Variants in ATG7 observed in about 807,000 individuals in gnomAD.
ATG7 encodes the protein autophagy related 7.
In ATG7, 70 loss-of-function variants were observed where a neutral mutation model predicts 82.4. The ratio of observed to expected loss-of-function variants is 0.85; its 90% CI spans 0.70 to 1.04. The LOEUF (loss-of-function observed/expected upper bound fraction) is 1.04, where lower values mean the gene tolerates loss of function less well. Ranked by LOEUF, ATG7 falls within the 50% of genes least tolerant of loss-of-function variation. The pLI, the probability that ATG7 is intolerant of heterozygous loss-of-function variation, is 0.00. For missense variants in ATG7, 792 were observed against 864.3 expected, an observed-to-expected ratio of 0.92 and a Z score of 1.05; for synonymous variants, 287 against 313.0, an observed-to-expected ratio of 0.92 and a Z score of 0.88.
chr3:11,534,306 G>T (rs769832195), intron 20 of ATG7, among the ~76,000 whole-genome samples: 1 of 152,262 alleles, frequency 6.6e-6, no homozygotes, highest in Non-Finnish European at 1.5e-5. Context: ...GCAGATGCCC[G>T]TTCTGCAAAG....
At chr3:11,366,785 C>T (rs1430826841) in intron 18 of ATG7, among the ~76,000 whole-genome samples, 1 of 152,042 alleles carries the variant, frequency 6.6e-6, no homozygotes, top group Non-Finnish European at 1.5e-5. Context: ...TTTTAAAGTA[C>T]TATGGCAACT....
the ATG7 span, chr3:11,568,931 G>A: frequency 1.6e-6 from 2 of 1,246,950 alleles, no homozygotes; most frequent in East Asian, 4.1e-5. The surrounding 1 kb of genome is among the most constrained non-coding windows in gnomAD (Gnocchi z 5.9). Flanking sequence ...CACTTCCACT[G>A]CCAGCTGCCC....
intron 20 of ATG7, among the ~76,000 whole-genome samples, chr3:11,544,089 T>A (rs933471501): frequency 3.3e-5 from 5 of 152,230 alleles, no homozygotes; most frequent in African/African-American, 1.2e-4. Context: ...GCACCAGCAG[T>A]CTGAAGCAGT....
intron 3 of ATG7, among the ~76,000 whole-genome samples, chr3:11,289,486 G>A (rs1446266507): frequency 6.6e-6 from 1 of 152,170 alleles, no homozygotes; most frequent in East Asian, 1.9e-4. Context: ...GTCATGGAAC[G>A]GTTTCAGCAG....
In ATG7 at chr3:11,453,787, G is replaced by T. The variant is rs146393955; in HGVS notation, c.2079+26861G>T. Among the ~76,000 whole-genome samples, 23 of 152,206 alleles carry T rather than the reference G, an allele frequency of 1.5e-4. No homozygotes were observed. In the East Asian group the frequency reaches 4.3e-3, roughly 28 times the overall value. On this transcript the variant is annotated intron_variant, in intron 20 of 20. Transcript: ENST00000693202. ...CACATGTAGGACTTCTAAGGCCTGAGCAAACCCTCAGTGATGGGGGAGTGC... is the reference window on the plus strand; with the variant it reads ...CACATGTAGGACTTCTAAGGCCTGATCAAACCCTCAGTGATGGGGGAGTGC...
At chr3:11,290,629 G>A (rs1176158402) in intron 3 of ATG7, 6 of 296,334 alleles carry the variant, frequency 2.0e-5, no homozygotes, top group South Asian at 1.1e-4. Flanking sequence ...GGCTTCAGAC[G>A]CACAACCTTG....
At chr3:11,275,770 G>A (rs1222295536) in intron 1 of ATG7, among the ~76,000 whole-genome samples, 1 of 152,052 alleles carries the variant, frequency 6.6e-6, no homozygotes, top group African/African-American at 2.4e-5. Context: ...TAGTCAGTAG[G>A]TATTACCATG....
intron 17 of ATG7, among the ~76,000 whole-genome samples, chr3:11,363,745 G>A (rs894117337): frequency 6.6e-6 from 1 of 152,164 alleles, no homozygotes; most frequent in Non-Finnish European, 1.5e-5. Flanking sequence ...TGCAATACAG[G>A]CAGCAGAAAA....
chr3:11,305,449 G>A (rs897125720), intron 5 of ATG7, among the ~76,000 whole-genome samples: 3 of 152,186 alleles, frequency 2.0e-5, no homozygotes, highest in African/African-American at 7.2e-5. Context: ...GTCCAAATTA[G>A]ATCATGGCAT....
intron 18 of ATG7, 92 bp downstream of exon 18, chr3:11,364,826 A>G (rs1387223973): frequency 2.2e-6 from 3 of 1,335,888 alleles, no homozygotes; most frequent in Admixed American, 3.6e-5. Flanking sequence ...AGCCCACTTC[A>G]TATCCACCCT....
chr3:11,567,289 CAG>C, the ATG7 span, among the ~76,000 whole-genome samples: 3 of 152,164 alleles, frequency 2.0e-5, no homozygotes, highest in African/African-American at 7.2e-5. Flanking sequence ...GTGCAGCCCT[CAG>C]TGAGCGCCAA....
At chr3:11,383,925 A>G (rs2078117148) in intron 19 of ATG7, among the ~76,000 whole-genome samples, 1 of 152,140 alleles carries the variant, frequency 6.6e-6, no homozygotes, top group African/African-American at 2.4e-5. Flanking sequence ...ATCTTAAAAC[A>G]ACTCCGTAAG....
chr3:11,305,357 C>T (rs574202344), intron 5 of ATG7, among the ~76,000 whole-genome samples: 2 of 152,210 alleles, frequency 1.3e-5, no homozygotes, highest in African/African-American at 2.4e-5. Context: ...CAGTTTTCTC[C>T]TTTCACAAAA....
intron 20 of ATG7, among the ~76,000 whole-genome samples, chr3:11,473,310 T>C (rs548542175): frequency 8.5e-5 from 13 of 152,276 alleles, no homozygotes; most frequent in African/African-American, 2.9e-4. Context: ...AGGAAGAAAA[T>C]TGTCACTTAC....
chr3:11,504,206 C>G (rs2091550129), intron 20 of ATG7, among the ~76,000 whole-genome samples: 1 of 152,170 alleles, frequency 6.6e-6, no homozygotes, highest in South Asian at 2.1e-4. Context: ...TTTTGGACTT[C>G]TGAATAACTA....
intron 19 of ATG7, among the ~76,000 whole-genome samples, chr3:11,391,960 G>GGC (rs2078840614): frequency 7.2e-6 from 1 of 139,338 alleles, no homozygotes; most frequent in Non-Finnish European, 1.6e-5. Flanking sequence ...GTACTTATTG[G>GGC]GGGGGGGGTA....
At chr3:11,497,454 T>C (rs1309994189) in intron 20 of ATG7, among the ~76,000 whole-genome samples, 3 of 131,816 alleles carry the variant, frequency 2.3e-5, no homozygotes, top group Admixed American at 1.7e-4. Context: ...GAGAATTGCT[T>C]GAACCTGGGA....
chr3:11,391,470 T>C (rs939369676), intron 19 of ATG7, among the ~76,000 whole-genome samples: 2 of 152,180 alleles, frequency 1.3e-5, no homozygotes, highest in Admixed American at 1.3e-4. Flanking sequence ...GAGAGTTTTC[T>C]TGTCTGTGTT....
intron 9 of ATG7, 81 bp from the exon 10 acceptor site, chr3:11,331,259 C>G (rs1951601473): frequency 2.6e-6 from 3 of 1,151,228 alleles, no homozygotes; most frequent in Non-Finnish European, 3.9e-6. Context: ...CATAAAAAAG[C>G]AAAGAGGAAG....
Sources: gnomAD v4.1 joint callset for allele counts (sites outside exome capture counted in the v4.1 genomes callset) on GRCh38, gnomAD v4.1.1 for gene constraint, Gnocchi (gnomAD v3.1) non-coding constraint, MANE v1.5 for transcripts, NCBI Gene and HGNC (gene_info 2026-07-23, HGNC 2026-07-21) for gene names.